The following SMAP1 variants were observed in gnomAD, a reference collection of about 807,000 sequenced individuals.
SMAP1 encodes stromal membrane-associated protein 1.
In SMAP1, 24 loss-of-function variants were observed where a neutral mutation model predicts 58.5. The observed-to-expected ratio is 0.41, with a 90% CI of 0.30 to 0.58. SMAP1 has a LOEUF of 0.58. Ranked by LOEUF, SMAP1 falls within the 20% of genes least tolerant of loss-of-function variation. SMAP1 has a pLI of 0.29. For missense variants in SMAP1, 563 were observed against 566.3 expected, an observed-to-expected ratio of 0.99 and a Z score of 0.06; for synonymous variants, 216 against 196.6, an observed-to-expected ratio of 1.10 and a Z score of -0.82.
intron 7 of SMAP1, among the ~76,000 whole-genome samples, chr6:70,851,282 G>T (rs1771174650): frequency 6.6e-6 from 1 of 152,138 alleles, no homozygotes; most frequent in South Asian, 2.1e-4. Context: ...GGAAATAAAA[G>T]ATACCAATTT....
chr6:70,789,678 T>G (rs1267584663), intron 4 of SMAP1, among the ~76,000 whole-genome samples: 1 of 142,136 alleles, frequency 7.0e-6, no homozygotes, highest in African/African-American at 2.6e-5. Context: ...ATTGCTTGAG[T>G]TCAGGAGTTT....
intron 3 of SMAP1, among the ~76,000 whole-genome samples, chr6:70,762,011 GTAA>G (rs1161824093): frequency 6.6e-6 from 1 of 152,024 alleles, no homozygotes; most frequent in Non-Finnish European, 1.5e-5. Flanking sequence ...AACTGCCGGT[GTAA>G]TAATAAGTGC....
In SMAP1 at chr6:70,860,420, AT is replaced by A. The variant is rs111506165; in HGVS notation, c.*94del. 3.5e-5 allele frequency: 51 copies of A among 1,478,108 alleles called. No homozygotes were observed. Among genetic ancestry groups the A allele is most frequent in the Admixed American group, 2.6e-4 (11 of 42,990 alleles). 91.6% of individuals were successfully genotyped at this position (1,478,108 alleles called of 1,614,324 possible). A position where few individuals can be genotyped will look rare whatever the true frequency, so the allele number is the denominator to read the frequency against. On this transcript the variant is annotated 3_prime_UTR_variant, in exon 11 of 11. Coordinates refer to ENST00000370455, the MANE Select transcript of SMAP1 (RefSeq NM_001044305.3). The stretch of plus-strand genomic sequence containing the variant: ...AGTTCCCCTGTTTATTCATATGCAT[AT>A]TTTTTTTCTTTTTACCCATTTGTTC...
chr6:70,767,562 G>T (rs899160674), intron 3 of SMAP1, among the ~76,000 whole-genome samples: 1 of 151,444 alleles, frequency 6.6e-6, no homozygotes, highest in Non-Finnish European at 1.5e-5. Flanking sequence ...TCTGTTATTG[G>T]TGTATAAGAA....
chr6:70,752,750 C>T (rs951637632), intron 2 of SMAP1, among the ~76,000 whole-genome samples: 14 of 152,014 alleles, frequency 9.2e-5, no homozygotes, highest in South Asian at 6.2e-4. Context: ...ACCTCCCACC[C>T]TTTTCTAGTC....
intron 1 of SMAP1, among the ~76,000 whole-genome samples, chr6:70,669,506 C>T (rs1186343612): frequency 6.6e-6 from 1 of 152,168 alleles, no homozygotes; most frequent in Non-Finnish European, 1.5e-5. Flanking sequence ...TCCTATGTAA[C>T]CTTTTCAGGT....
intron 6 of SMAP1, among the ~76,000 whole-genome samples, chr6:70,813,014 A>G (rs993603210): frequency 6.6e-6 from 1 of 152,124 alleles, no homozygotes; most frequent in South Asian, 2.1e-4. Flanking sequence ...AGAGGAAAAA[A>G]TAAAAAGGAA....
intron 3 of SMAP1, among the ~76,000 whole-genome samples, chr6:70,767,766 G>A (rs1767065461): frequency 7.2e-6 from 1 of 138,928 alleles, no homozygotes; most frequent in East Asian, 2.0e-4. Flanking sequence ...TAATTGCCCT[G>A]GCCAGAACTT....
chr6:70,796,149 T>G (rs1024323093), intron 5 of SMAP1, among the ~76,000 whole-genome samples: 8 of 152,208 alleles, frequency 5.3e-5, no homozygotes, highest in Non-Finnish European at 8.8e-5. Context: ...TATTTATTCT[T>G]TACTTATAAA....
chr6:70,759,304 A>G (rs555816548), intron 3 of SMAP1, among the ~76,000 whole-genome samples: 1 of 152,120 alleles, frequency 6.6e-6, no homozygotes, highest in African/African-American at 2.4e-5. Flanking sequence ...CTGAGTTGAT[A>G]TATATGACCC....
chr6:70,815,885 C>G (rs1355825941), intron 6 of SMAP1, among the ~76,000 whole-genome samples: 1 of 152,030 alleles, frequency 6.6e-6, no homozygotes, highest in African/African-American at 2.4e-5. Flanking sequence ...TGTAGCAACT[C>G]TTAGGATGCC....
intron 1 of SMAP1, among the ~76,000 whole-genome samples, chr6:70,682,543 T>TA (rs914264701): frequency 2.0e-5 from 3 of 152,190 alleles, no homozygotes; most frequent in African/African-American, 7.2e-5. Flanking sequence ...TAAAAGTTTG[T>TA]AAAAAATAAT....
intron 1 of SMAP1, among the ~76,000 whole-genome samples, chr6:70,669,388 G>T (rs1336034373): frequency 6.6e-6 from 1 of 152,138 alleles, no homozygotes; most frequent in Non-Finnish European, 1.5e-5. Flanking sequence ...CTTCACTGTC[G>T]TAACAGGTAC....
intron 7 of SMAP1, among the ~76,000 whole-genome samples, chr6:70,841,105 A>G (rs986144787): frequency 8.5e-5 from 13 of 152,158 alleles, no homozygotes; most frequent in African/African-American, 2.7e-4. Flanking sequence ...CTTCTATTCA[A>G]TGGGGCTCAT....
rs373139215 is a variant in SMAP1, at chr6:70,727,905, A to G, written c.119-4473A>G. On this transcript the variant is annotated intron_variant, in intron 1 of 10. Coordinates refer to ENST00000370455, the MANE Select transcript of SMAP1 (RefSeq NM_001044305.3). ...TGGTGAAACCCTGTCTCTACAAAAA[A>G]TACAAAAATTAGCTGGGCGTGGTGG... Among the ~76,000 whole-genome samples the G allele has an allele frequency of 2.6e-5, 4 of 152,272 alleles. No individual in the cohort carries two copies. In the East Asian group the frequency reaches 5.8e-4, roughly 22 times the overall value.
intron 8 of SMAP1, among the ~76,000 whole-genome samples, chr6:70,855,996 C>A (rs565494939): frequency 6.6e-6 from 1 of 152,148 alleles, no homozygotes; most frequent in Non-Finnish European, 1.5e-5. Context: ...TCTAGGAGGA[C>A]ATTAAATGTT....
intron 1 of SMAP1, among the ~76,000 whole-genome samples, chr6:70,671,185 T>G (rs1198232098): frequency 2.7e-5 from 1 of 37,728 alleles, no homozygotes; most frequent in African/African-American, 1.0e-4. Flanking sequence ...TTGATTTTTG[T>G]TTTTTTTTTT....
chr6:70,801,663 A>G (rs200352433), intron 6 of SMAP1, among the ~76,000 whole-genome samples: 1 of 152,130 alleles, frequency 6.6e-6, no homozygotes, highest in Admixed American at 6.6e-5. Flanking sequence ...ACATTTAAAT[A>G]TTTAATCCAT....
At chr6:70,717,734 A>T (rs1056907807) in intron 1 of SMAP1, among the ~76,000 whole-genome samples, 3 of 152,182 alleles carry the variant, frequency 2.0e-5, no homozygotes, top group Non-Finnish European at 4.4e-5. Flanking sequence ...TCACATTTTT[A>T]GGTGGTTTTG....
Sources: allele counts gnomAD v4.1 joint callset (sites outside exome capture counted in the v4.1 genomes callset), GRCh38; gene constraint gnomAD v4.1.1; transcripts MANE v1.5; gene names NCBI Gene and HGNC (gene_info 2026-07-23, HGNC 2026-07-21).